Variants in PALS1 observed in about 807,000 individuals in gnomAD.
PALS1 encodes protein associated with LIN7 1, MAGUK p55 family member, also known as protein PALS1.
PALS1 carries 31 observed loss-of-function variants against 78.9 expected under a neutral mutation model. The ratio of observed to expected loss-of-function variants is 0.39; its 90% CI spans 0.30 to 0.53. The LOEUF is 0.53. Ranked by LOEUF, PALS1 falls within the 20% of genes least tolerant of loss-of-function variation. PALS1 has a pLI of 0.67. For synonymous variants in PALS1, 276 were observed against 270.9 expected (o/e 1.02, Z -0.18); for missense variants, 704 against 826.5 (o/e 0.85, Z 1.82).
intron 1 of PALS1, chr14:67,241,822 C>G (rs1053253595): frequency 6.6e-6 from 1 of 151,314 alleles, no homozygotes; most frequent in African/African-American, 2.4e-5. Context: ...CCAGCCGAGC[C>G]CGAGGTGCAG....
chr14:67,258,502 C>G (rs1190716579), intron 1 of PALS1, among the ~76,000 whole-genome samples: 1 of 152,176 alleles, frequency 6.6e-6, no homozygotes, highest in African/African-American at 2.4e-5. Context: ...CTTACTGCAG[C>G]CTTGACCTCC....
At chr14:67,252,126 G>T (rs1468225529) in intron 1 of PALS1, among the ~76,000 whole-genome samples, 1 of 152,106 alleles carries the variant, frequency 6.6e-6, no homozygotes, top group Non-Finnish European at 1.5e-5. Context: ...TAATAAACCA[G>T]TAATAGTAAG....
At chr14:67,290,721 G>A (rs1053862153) in intron 3 of PALS1, among the ~76,000 whole-genome samples, 5 of 151,944 alleles carry the variant, frequency 3.3e-5, no homozygotes, top group African/African-American at 1.2e-4. Context: ...TTTTAGTAGA[G>A]ACAGGGCTTC....
At position 67,336,034 on chromosome 14, in the gene PALS1, A is replaced by G. The variant is rs946268982; in HGVS notation, c.*3078A>G. ...TCCTTAATTATTAAAACCAACAACT[A>G]AGTGTATTAAAGATGGACAACGCAA... On this transcript the variant is annotated 3_prime_UTR_variant, in exon 15 of 15. Transcript: ENST00000261681. Among the ~76,000 whole-genome samples, 1 of 152,192 alleles carries G rather than the reference A, an allele frequency of 6.6e-6. No homozygotes were observed. Among genetic ancestry groups the G allele is most frequent in the African/African-American group, 2.4e-5 (1 of 41,448 alleles).
Position 67,292,723 on chromosome 14 carries a change from T to G in PALS1, c.576+4T>G. ...CGCACAAGATCTTGCTCAAGAGGTA[T>G]GTATTCTAAACATCTTGTTGATGTC... On this transcript the variant is annotated splice_donor_region_variant and intron_variant, in intron 4 of 14. Coordinates refer to ENST00000261681, the MANE Select transcript of PALS1 (RefSeq NM_022474.4). 1 of 1,611,510 alleles carries G rather than the reference T, an allele frequency of 6.2e-7. No individual in the cohort carries two copies. The highest frequency in any genetic ancestry group is 1.1e-5 in the South Asian group (1 of 90,894).
At chr14:67,260,991 G>A (rs965208549) in intron 1 of PALS1, among the ~76,000 whole-genome samples, 1 of 152,158 alleles carries the variant, frequency 6.6e-6, no homozygotes. Flanking sequence ...GAGTCAAGCA[G>A]ACTCCAGGCC....
intron 10 of PALS1, among the ~76,000 whole-genome samples, chr14:67,317,138 TACAA>T (rs1193114606): frequency 3.9e-5 from 6 of 152,220 alleles, no homozygotes; most frequent in Non-Finnish European, 7.3e-5. Flanking sequence ...ATAGTCTTTA[TACAA>T]ACAGTGTAAT....
chr14:67,292,076 ATGG>A (rs1490066528), intron 3 of PALS1, among the ~76,000 whole-genome samples: 1 of 152,216 alleles, frequency 6.6e-6, no homozygotes. Context: ...ACTATAAATT[ATGG>A]TTTAGCCATG....
At chr14:67,315,920 G>T (rs981000266) in intron 9 of PALS1, among the ~76,000 whole-genome samples, 1 of 152,240 alleles carries the variant, frequency 6.6e-6, no homozygotes, top group African/African-American at 2.4e-5. Flanking sequence ...GCGAGACTTC[G>T]TCTCAAAAGA....
At chr14:67,329,260 A>G (rs1370107506) in intron 14 of PALS1, among the ~76,000 whole-genome samples, 1 of 152,174 alleles carries the variant, frequency 6.6e-6, no homozygotes, top group Non-Finnish European at 1.5e-5. Context: ...GAGTTCACTC[A>G]TGATTTGGCT....
intron 1 of PALS1, among the ~76,000 whole-genome samples, chr14:67,242,185 C>T (rs911050339): frequency 6.6e-6 from 1 of 152,152 alleles, no homozygotes; most frequent in Non-Finnish European, 1.5e-5. Context: ...ATGTAACTTT[C>T]TAATGATCAT....
Position 67,292,721 on chromosome 14 carries a change from T to A in PALS1, c.576+2T>A. 1.2e-6 allele frequency: 2 copies of A among 1,611,740 alleles called. No homozygotes were observed. Among genetic ancestry groups the A allele is most frequent in the Non-Finnish European group, 1.7e-6 (2 of 1,178,134 alleles). ...AACGCACAAGATCTTGCTCAAGAGG[T>A]ATGTATTCTAAACATCTTGTTGATG... On this transcript the variant is annotated splice_donor_variant, in intron 4 of 14. Coordinates refer to ENST00000261681, the MANE Select transcript of PALS1 (RefSeq NM_022474.4). LOFTEE classifies it high-confidence loss of function.
chr14:67,324,587 T>C (rs907894516), intron 14 of PALS1, among the ~76,000 whole-genome samples: 1 of 152,132 alleles, frequency 6.6e-6, no homozygotes, highest in African/African-American at 2.4e-5. Flanking sequence ...GTTGTTGTTT[T>C]GGTCGTTGCT....
chr14:67,259,041 C>T (rs146985257), intron 1 of PALS1, among the ~76,000 whole-genome samples: 3,158 of 151,436 alleles, frequency 0.021, 118 homozygotes, highest in African/African-American at 0.073. Context: ...CAGGCTTTCA[C>T]TATGTTGGTC....
intron 1 of PALS1, among the ~76,000 whole-genome samples, chr14:67,252,763 A>G (rs1018086854): frequency 8.5e-5 from 13 of 152,298 alleles, no homozygotes; most frequent in Middle Eastern, 3.4e-3. Flanking sequence ...CTTGGTTTCA[A>G]TTTGTACTTT....
Position 67,334,304 on chromosome 14 carries a change from T to TAA in PALS1, c.*1349_*1350dup, listed in dbSNP as rs1186740629. ...CTGTAGCTTTAAAATTCAACGTATATAATTGGCATGGAAACTTAATTTGCA... is the reference window on the plus strand; with the variant it reads ...CTGTAGCTTTAAAATTCAACGTATATAAAATTGGCATGGAAACTTAATTTGCA... On this transcript the variant is annotated 3_prime_UTR_variant, in exon 15 of 15. Coordinates refer to ENST00000261681, the MANE Select transcript of PALS1 (RefSeq NM_022474.4). 1.3e-5 allele frequency: 2 copies of TAA among 152,646 alleles called. No individual in the cohort carries two copies. The highest frequency in any genetic ancestry group is 2.9e-5 in the Non-Finnish European group (2 of 68,028). The allele number at this position is 152,646 out of a possible 1,614,324, so 9.5% of individuals were successfully genotyped here.
At chr14:67,317,306 A>T (rs2085191245) in intron 10 of PALS1, 102 bp from the exon 11 acceptor site, 24 of 1,095,358 alleles carry the variant, frequency 2.2e-5, no homozygotes, top group Non-Finnish European at 3.1e-5. Flanking sequence ...CTGCAAAAAA[A>T]TTTAAAGAAT....
intron 14 of PALS1, among the ~76,000 whole-genome samples, chr14:67,328,031 A>G (rs991096337): frequency 6.6e-6 from 1 of 152,182 alleles, no homozygotes; most frequent in Non-Finnish European, 1.5e-5. Context: ...TGGTATTTCT[A>G]GTTCTAGATC....
At chr14:67,300,255 T>G (rs1473733) in intron 4 of PALS1, among the ~76,000 whole-genome samples, 1 of 151,860 alleles carries the variant, frequency 6.6e-6, no homozygotes, top group African/African-American at 2.4e-5. Context: ...TCTCTTGGGT[T>G]TCATAGGAAA....
Sources: gnomAD v4.1 joint callset for allele counts (sites outside exome capture counted in the v4.1 genomes callset) on GRCh38, gnomAD v4.1.1 for gene constraint, MANE v1.5 for transcripts, NCBI Gene and HGNC (gene_info 2026-07-23, HGNC 2026-07-21) for gene names.